The following FERMT3 variants were observed in gnomAD, a reference collection of about 807,000 sequenced individuals.
The protein encoded by FERMT3 is FERM domain containing kindlin 3, also known as fermitin family homolog 3.
FERMT3 carries 33 observed loss-of-function variants against 80.8 expected under a neutral mutation model. The ratio of observed to expected loss-of-function variants is 0.41; its 90% CI spans 0.31 to 0.55. The LOEUF is 0.55. Ranked by LOEUF, FERMT3 falls within the 20% of genes least tolerant of loss-of-function variation. The probability of loss-of-function intolerance (pLI) is 0.31; values close to 1 mark genes in which losing one functional copy is unlikely to be tolerated. For missense variants in FERMT3, 754 were observed against 908.7 expected (o/e 0.83, Z 2.19); for synonymous variants, 375 against 372.2 (o/e 1.01, Z -0.09).
At position 64,223,174 on chromosome 11, in the gene FERMT3, C is replaced by A. The variant is rs1243450393; in HGVS notation, c.1797C>A (p.Asn599Lys). The change falls in exon 14 of 15, where the codon AAC becomes AAA. Residue 599 changes from asparagine to lysine, a missense_variant. Coordinates refer to ENST00000345728, the MANE Select transcript of FERMT3 (RefSeq NM_031471.6). ...GCAACATGCGCCAGTGGAATGTCAA[C>A]TGGGACATCCGGCAGGTGGGCCCAG... Reference protein sequence around the residue: ...RFSNMRQWNVNWDIRQVAIEF... With the variant: ...RFSNMRQWNVKWDIRQVAIEF... 1 of 1,613,880 alleles carries A rather than the reference C, an allele frequency of 6.2e-7. No homozygotes were observed. Among genetic ancestry groups the A allele is most frequent in the Non-Finnish European group, 8.5e-7 (1 of 1,180,042 alleles).
rs1290167568 is a variant in FERMT3, at chr11:64,223,429, C to G, written c.1929C>G (p.Ala643=). Reference sequence around the variant, plus strand: ...TTTTCCTGTCGACGCGGGAGCGGGCCCGTGGGGAGGAGCTGGATGAAGACC... The same window carrying G: ...TTTTCCTGTCGACGCGGGAGCGGGCGCGTGGGGAGGAGCTGGATGAAGACC... ...GYIFLSTRER[A]RGEELDEDLF... is the part of the protein sequence containing the mutation. Residue 643 remains alanine (A), a synonymous_variant, in exon 15 of 15, where the codon GCC becomes GCG. Transcript: ENST00000345728. 6.2e-7 allele frequency: 1 copy of G among 1,613,362 alleles called. No homozygotes were observed. Among genetic ancestry groups the G allele is most frequent in the African/African-American group, 1.3e-5 (1 of 75,068 alleles).
chr11:64,208,871 C>G (rs2508208), intron 2 of FERMT3, among the ~76,000 whole-genome samples: 27 of 152,182 alleles, frequency 1.8e-4, no homozygotes, highest in African/African-American at 6.5e-4. Flanking sequence ...TCTAGACTTT[C>G]TTCTGGAGGG....
At chr11:64,209,778 A>G (rs1401885416) in intron 2 of FERMT3, among the ~76,000 whole-genome samples, 2 of 152,118 alleles carry the variant, frequency 1.3e-5, no homozygotes, top group Non-Finnish European at 2.9e-5. Context: ...ACCTGGGAGG[A>G]ACTCAGGAAA....
intron 13 of FERMT3, among the ~76,000 whole-genome samples, chr11:64,222,563 CAAAAAAAA>C (rs34119299): frequency 1.2e-5 from 1 of 83,472 alleles, no homozygotes; most frequent in Admixed American, 1.2e-4. Flanking sequence ...CACTCCGTCT[CAAAAAAAA>C]AAAAAAAAAA....
At chr11:64,220,041 G>A (rs779360022) in intron 10 of FERMT3, 26 bp downstream of exon 10, 8 of 1,612,450 alleles carry the variant, frequency 5.0e-6, no homozygotes, top group Non-Finnish European at 6.8e-6. Context: ...CAGGGGCTGG[G>A]TGGGGGGATC....
upstream of FERMT3, among the ~76,000 whole-genome samples, chr11:64,206,381 C>T (rs1029059837): frequency 2.0e-5 from 3 of 152,228 alleles, no homozygotes; most frequent in Non-Finnish European, 2.9e-5. Flanking sequence ...CTCCGGCAGC[C>T]CAGTGATGTT....
intron 6 of FERMT3, among the ~76,000 whole-genome samples, chr11:64,217,481 G>A (rs1423793810): frequency 2.0e-5 from 3 of 152,092 alleles, no homozygotes; most frequent in Non-Finnish European, 2.9e-5. Context: ...CCCGGGAGGC[G>A]GAGGTTGCGG....
In FERMT3 at chr11:64,219,998, A is replaced by G. The variant is rs767453061; in HGVS notation, c.1187A>G (p.Gln396Arg). The G allele has an allele frequency of 1.2e-6, 2 of 1,613,582 alleles. No individual in the cohort carries two copies. The highest frequency in any genetic ancestry group is 1.3e-5 in the African/African-American group (1 of 75,000). The change falls in exon 10 of 15, where the codon CAG (glutamine) becomes CGG (arginine). Residue 396 changes from glutamine to arginine, a missense_variant. By Grantham distance (43) the Gln-to-Arg change is conservative. Transcript: ENST00000345728. This position sits in a 1 kb window ranked among gnomAD's most constrained non-coding sequence, Gnocchi z 4.0. ...SQDEAPGDPI[Q>R]QLNLKGCEVV... ...GACGAGGCCCCTGGGGACCCCATTC[A>G]GCAGCTCAACCTCAAGGGTAAGTGC...
Position 64,221,157 on chromosome 11 carries a change from A to G in FERMT3, c.1670+17A>G. ...CATGGTCAGGTATGGCCCCTGGCCC[A>G]GCCCCCTGCCCAGCACCGTCTCTGC... is the stretch of plus-strand genomic sequence containing the variant. On this transcript the variant is annotated intron_variant, in intron 13 of 14. Coordinates refer to ENST00000345728, the MANE Select transcript of FERMT3 (RefSeq NM_031471.6). The G allele has an allele frequency of 1.1e-5, 17 of 1,604,998 alleles. No individual in the cohort carries two copies. Among genetic ancestry groups the G allele is most frequent in the Non-Finnish European group, 1.4e-5 (17 of 1,179,086 alleles).
intron 6 of FERMT3, among the ~76,000 whole-genome samples, chr11:64,212,038 C>A (rs1264489604): frequency 6.6e-6 from 1 of 152,210 alleles, no homozygotes; most frequent in Non-Finnish European, 1.5e-5. Context: ...ACCCACAGAT[C>A]CTCATAGACA....
chr11:64,220,064 C>A, intron 10 of FERMT3, 49 bp downstream of exon 10: 1 of 1,609,052 alleles, frequency 6.2e-7, no homozygotes, highest in Non-Finnish European at 8.5e-7. Context: ...CACTTGTGGG[C>A]TAGGCAGGTG....
chr11:64,215,797 G>A (rs1026833190), intron 6 of FERMT3, among the ~76,000 whole-genome samples: 1 of 151,386 alleles, frequency 6.6e-6, no homozygotes, highest in African/African-American at 2.4e-5. Flanking sequence ...TGGGTCTCAA[G>A]TTATCCTCCC....
At chr11:64,216,435 G>A (rs1946551638) in intron 6 of FERMT3, among the ~76,000 whole-genome samples, 1 of 148,144 alleles carries the variant, frequency 6.8e-6, no homozygotes, top group African/African-American at 2.5e-5. Context: ...TCCTGACCTC[G>A]TGATCTGCCC....
intron 1 of FERMT3, 72 bp from the exon 2 acceptor site, chr11:64,207,279 C>T: frequency 6.3e-7 from 1 of 1,584,206 alleles, no homozygotes; most frequent in Non-Finnish European, 8.7e-7. Flanking sequence ...CAGGGCATCA[C>T]AGAGCTCTTC....
At chr11:64,220,816 C>A in intron 12 of FERMT3, 147 bp downstream of exon 12, 1 of 1,276,924 alleles carries the variant, frequency 7.8e-7, no homozygotes, top group Non-Finnish European at 1.1e-6. Flanking sequence ...CTGGTACCCA[C>A]CCTTTGGGAG....
intron 2 of FERMT3, among the ~76,000 whole-genome samples, chr11:64,208,223 AGT>A (rs1397663324): frequency 6.6e-6 from 1 of 152,198 alleles, no homozygotes; most frequent in South Asian, 2.1e-4. Flanking sequence ...GGAGGAGGTC[AGT>A]CCGACTGTGG....
chr11:64,218,072 C>T (rs975767227), intron 6 of FERMT3, among the ~76,000 whole-genome samples: 50 of 141,176 alleles, frequency 3.5e-4, no homozygotes, highest in African/African-American at 9.1e-4. Flanking sequence ...GGCACGATCT[C>T]GGCTCACTGC....
In FERMT3 at chr11:64,211,637, C is replaced by T. The variant is rs775337789; in HGVS notation, c.684-8C>T. ...GCAGCCCTGACTGCTGCTTCTGCCG[C>T]GGCCCAGGTGGCTGGACTCGTCGCG... On this transcript the variant is annotated splice_region_variant and splice_polypyrimidine_tract_variant and intron_variant, in intron 5 of 14. Transcript: ENST00000345728. This position sits in a 1 kb window ranked among gnomAD's most constrained non-coding sequence, Gnocchi z 4.7. The T allele has an allele frequency of 2.0e-5, 32 of 1,613,330 alleles. No individual in the cohort carries two copies. The highest frequency in any genetic ancestry group is 6.7e-5 in the Admixed American group (4 of 59,998).
In FERMT3 at chr11:64,207,468, G is replaced by A. The variant is rs140913422; in HGVS notation, c.104G>A (p.Arg35Gln). Reference sequence around the variant, plus strand: ...CCAGAGGCCGAGTCGGTCACCCTGCGGGTCACTGGGGAGTCGCACATCGGC... The same window carrying A: ...CCAGAGGCCGAGTCGGTCACCCTGCAGGTCACTGGGGAGTCGCACATCGGC... ...EDPEAESVTL[R>Q]VTGESHIGGV... The change falls in exon 2 of 15, where the codon CGG becomes CAG. Residue 35 changes from arginine (R) to glutamine (Q), a missense_variant. Coordinates refer to ENST00000345728, the MANE Select transcript of FERMT3 (RefSeq NM_031471.6). 12 of 1,613,914 alleles carry A rather than the reference G, an allele frequency of 7.4e-6. No homozygotes were observed. The highest frequency in any genetic ancestry group is 4.4e-5 in the South Asian group (4 of 91,080).
Sources: allele counts gnomAD v4.1 joint callset (sites outside exome capture counted in the v4.1 genomes callset), GRCh38; gene constraint gnomAD v4.1.1; non-coding constraint Gnocchi (gnomAD v3.1); transcripts MANE v1.5; gene names NCBI Gene and HGNC (gene_info 2026-07-23, HGNC 2026-07-21).